SLC7A2: variants seen among roughly 807,000 people sequenced by gnomAD.
SLC7A2 encodes the protein cationic amino acid transporter 2.
In SLC7A2, 48 loss-of-function variants were observed where a neutral mutation model predicts 58.9. That is an observed-to-expected ratio of 0.82 (90% CI 0.65 to 1.04). The LOEUF is 1.04. Ranked by LOEUF, SLC7A2 falls within the 50% of genes least tolerant of loss-of-function variation. The pLI is 0.00. For missense variants in SLC7A2, 1,029 were observed against 818.8 expected (o/e 1.26, Z -3.13); for synonymous variants, 363 against 314.5 (o/e 1.15, Z -1.63).
intron 9 of SLC7A2, 107 bp downstream of exon 9, chr8:17,558,504 A>C: frequency 3.2e-6 from 2 of 623,642 alleles, no homozygotes; most frequent in South Asian, 4.3e-5. Flanking sequence ...AGTCTCACCA[A>C]GGTGAGAGGT....
chr8:17,521,497 G>A (rs1801013067), intron 2 of SLC7A2, among the ~76,000 whole-genome samples: 1 of 152,188 alleles, frequency 6.6e-6, no homozygotes, highest in Non-Finnish European at 1.5e-5. Context: ...AGGGAGTTCT[G>A]ATGTTTCATT....
At chr8:17,520,295 G>A (rs1800962780) in intron 2 of SLC7A2, among the ~76,000 whole-genome samples, 2 of 151,838 alleles carry the variant, frequency 1.3e-5, no homozygotes, top group Non-Finnish European at 1.5e-5. Flanking sequence ...TTGTGTATGT[G>A]GTGTATGTGT....
In SLC7A2 at chr8:17,497,125, C is replaced by G. The variant is rs968904402; in HGVS notation, c.-181C>G. ...CGCGGCCGGCGGGCGCTCCTCTTCG[C>G]GGGACCAGCGAGGCGGCGGCCGCTG... On this transcript the variant is annotated 5_prime_UTR_variant, in exon 1 of 13. Transcript: ENST00000494857. 2 of 151,416 alleles carry G rather than the reference C, an allele frequency of 1.3e-5. No homozygotes were observed. Among genetic ancestry groups the G allele is most frequent in the Admixed American group, 1.3e-4 (2 of 15,206 alleles). 9.4% of individuals were successfully genotyped at this position (151,416 alleles called of 1,614,324 possible).
In SLC7A2 at chr8:17,560,625, T is replaced by C. The variant is rs933999086; in HGVS notation, c.1504+92T>C. ...ATGAAAGAGAAAAGAGGGCCTAACATTGCCCTAGAATATATTAGCAACCAC... is the reference window on the plus strand; with the variant it reads ...ATGAAAGAGAAAAGAGGGCCTAACACTGCCCTAGAATATATTAGCAACCAC... On this transcript the variant is annotated intron_variant, in intron 10 of 12. Coordinates refer to ENST00000494857, the MANE Select transcript of SLC7A2 (RefSeq NM_001370338.1). 3 of 1,105,554 alleles carry C rather than the reference T, an allele frequency of 2.7e-6. No homozygotes were observed. In the African/African-American group the frequency reaches 4.6e-5, roughly 17 times the overall value. 68.5% of individuals were successfully genotyped at this position (1,105,554 alleles called of 1,614,324 possible). A position where few individuals can be genotyped will look rare whatever the true frequency, so the allele number is the denominator to read the frequency against.
chr8:17,544,812 G>A (rs1273388942), intron 4 of SLC7A2, among the ~76,000 whole-genome samples: 9 of 152,204 alleles, frequency 5.9e-5, no homozygotes, highest in Non-Finnish European at 1.2e-4. Context: ...GGTAAAAATA[G>A]CACTTCTGAG....
chr8:17,559,138 GGA>G (rs1802843384), intron 9 of SLC7A2, among the ~76,000 whole-genome samples: 1 of 151,806 alleles, frequency 6.6e-6, no homozygotes, highest in South Asian at 2.1e-4. Context: ...TTATTTTCAA[GGA>G]TAAGTAAAGG....
intron 11 of SLC7A2, 70 bp downstream of exon 11, chr8:17,562,180 ATTTTT>A (rs200130071): frequency 5.9e-4 from 353 of 593,650 alleles, no homozygotes; most frequent in South Asian, 1.4e-3. Flanking sequence ...TTTGGTAAGT[ATTTTT>A]TTTTTTTTTT....
intron 8 of SLC7A2, chr8:17,555,205 A>G (rs74557658): frequency 0.023 from 18,944 of 832,950 alleles, 530 homozygotes; most frequent in South Asian, 0.1. Flanking sequence ...TCACTGATAA[A>G]AATTAGTATA....
At chr8:17,538,149 T>TA (rs1348599352) in intron 2 of SLC7A2, among the ~76,000 whole-genome samples, 1 of 152,230 alleles carries the variant, frequency 6.6e-6, no homozygotes, top group Non-Finnish European at 1.5e-5. Context: ...TTTGAAATAC[T>TA]ATGTTTTTAG....
intron 2 of SLC7A2, among the ~76,000 whole-genome samples, chr8:17,536,615 T>C (rs1321896853): frequency 6.6e-6 from 1 of 152,126 alleles, no homozygotes; most frequent in East Asian, 1.9e-4. Flanking sequence ...TATATACGTC[T>C]GTGGGTAAAG....
intron 9 of SLC7A2, 113 bp downstream of exon 9, chr8:17,558,510 G>T: frequency 1.6e-6 from 1 of 606,734 alleles, no homozygotes; most frequent in Non-Finnish European, 3.0e-6. Flanking sequence ...ACCAAGGTGA[G>T]AGGTCACATC....
intron 1 of SLC7A2, chr8:17,499,940 T>C (rs1464613107): frequency 6.6e-6 from 1 of 152,228 alleles, no homozygotes; most frequent in Non-Finnish European, 1.5e-5. Context: ...CATGCTTATA[T>C]GTCTTTATTG....
At chr8:17,495,162 G>A (rs1006335431), upstream of SLC7A2, among the ~76,000 whole-genome samples, 4 of 152,022 alleles carry the variant, frequency 2.6e-5, no homozygotes, top group Non-Finnish European at 4.4e-5. Flanking sequence ...TTTAATCAAT[G>A]TTGACCAGGT....
At chr8:17,530,361 T>A (rs553149106) in intron 2 of SLC7A2, among the ~76,000 whole-genome samples, 1 of 152,122 alleles carries the variant, frequency 6.6e-6, no homozygotes, top group South Asian at 2.1e-4. Context: ...TGCAGTTCAG[T>A]CAAAACCTTT....
At chr8:17,508,955 C>G (rs199874202) in intron 2 of SLC7A2, among the ~76,000 whole-genome samples, 3 of 151,882 alleles carry the variant, frequency 2.0e-5, no homozygotes, top group Non-Finnish European at 4.4e-5. Flanking sequence ...TGATCGTTGC[C>G]GCCTTTTGGT....
intron 1 of SLC7A2, among the ~76,000 whole-genome samples, chr8:17,501,606 T>TA (rs1800162681): frequency 6.6e-6 from 1 of 152,170 alleles, no homozygotes; most frequent in African/African-American, 2.4e-5. Flanking sequence ...AATTTCTTGA[T>TA]ACGGGACTTT....
chr8:17,535,677 C>T (rs919187454), intron 2 of SLC7A2, among the ~76,000 whole-genome samples: 2 of 152,056 alleles, frequency 1.3e-5, no homozygotes, highest in African/African-American at 2.4e-5. Flanking sequence ...CCAAGACAGG[C>T]GGATCACTTG....
At position 17,550,371 on chromosome 8, in the gene SLC7A2, A is replaced by T. The variant is rs1802390332; in HGVS notation, c.769A>T (p.Thr257Ser). 1 of 1,614,066 alleles carries T rather than the reference A, an allele frequency of 6.2e-7. No individual in the cohort carries two copies. The highest frequency in any genetic ancestry group is 8.5e-7 in the Non-Finnish European group (1 of 1,179,980). ...CTTTATGCCTTATGGCTTTACGGGAACGTTGGCTGGTGCTGCAACTTGCTT... is the reference window on the plus strand; with the variant it reads ...CTTTATGCCTTATGGCTTTACGGGATCGTTGGCTGGTGCTGCAACTTGCTT... The part of the protein sequence containing the change: ...GGFMPYGFTG[T>S]LAGAATCFYA... Residue 257 changes from threonine to serine, a missense_variant, in exon 6 of 13, where the codon ACG (threonine) becomes TCG (serine). Physicochemically the swap from Thr to Ser is moderately conservative, Grantham distance 58 (BLOSUM62 1). Coordinates refer to ENST00000494857, the MANE Select transcript of SLC7A2 (RefSeq NM_001370338.1).
chr8:17,502,455 C>A (rs1164986529), intron 2 of SLC7A2, among the ~76,000 whole-genome samples, 153 bp downstream of exon 2: 1 of 152,142 alleles, frequency 6.6e-6, no homozygotes, highest in Non-Finnish European at 1.5e-5. Flanking sequence ...TAGTGTCCTA[C>A]CATTGGCCTA....
Sources: allele counts gnomAD v4.1 joint callset (sites outside exome capture counted in the v4.1 genomes callset), GRCh38; gene constraint gnomAD v4.1.1; transcripts MANE v1.5; gene names NCBI Gene and HGNC (gene_info 2026-07-23, HGNC 2026-07-21).